RBL2: variants seen among roughly 807,000 people sequenced by gnomAD.
RBL2 encodes the protein RB transcriptional corepressor like 2, also known as retinoblastoma-like protein 2.
Under a neutral mutation model 126.0 loss-of-function variants are expected in RBL2, and 56 were observed. The observed-to-expected ratio is 0.44, with a 90% confidence interval of 0.36 to 0.56. RBL2 has a LOEUF of 0.56. Ranked by LOEUF, RBL2 falls within the 20% of genes least tolerant of loss-of-function variation. The pLI is 0.00. For missense variants in RBL2, 1,229 were observed against 1,398.2 expected, an observed-to-expected ratio of 0.88 and a Z score of 1.93; for synonymous variants, 454 against 478.5, an observed-to-expected ratio of 0.95 and a Z score of 0.67.
chr16:53,472,714 A>G (rs908857557), intron 17 of RBL2, among the ~76,000 whole-genome samples: 1 of 152,184 alleles, frequency 6.6e-6, no homozygotes, highest in Non-Finnish European at 1.5e-5. Context: ...TGTCATTTGA[A>G]GCATAAAAGT....
rs555083761 is a variant in RBL2, at chr16:53,440,611, G to A, written c.371+1465G>A. On this transcript the variant is annotated intron_variant, in intron 2 of 21. Coordinates refer to ENST00000262133, the MANE Select transcript of RBL2 (RefSeq NM_005611.4). ...CTGTTTCACCCAGGCCAGGGTGCAG[G>A]GGCGTGATCTCAGCTCATTGCAGCC... Among the ~76,000 whole-genome samples, 5 of 152,128 alleles carry A rather than the reference G, an allele frequency of 3.3e-5. No individual in the cohort carries two copies. In the South Asian group the frequency reaches 1.0e-3, roughly 32 times the overall value.
chr16:53,464,523 C>T, intron 12 of RBL2, 160 bp downstream of exon 12: 1 of 595,380 alleles, frequency 1.7e-6, no homozygotes, highest in Non-Finnish European at 2.6e-6. Flanking sequence ...AATCTTAAGA[C>T]CTATGTAAAT....
At chr16:53,472,449 C>A (rs1274183664) in intron 17 of RBL2, among the ~76,000 whole-genome samples, 13 of 152,116 alleles carry the variant, frequency 8.5e-5, no homozygotes. Context: ...GCCATCTTAG[C>A]GGGTATTGGG....
At chr16:53,453,254 T>C (rs979904616) in intron 5 of RBL2, among the ~76,000 whole-genome samples, 198 bp from the exon 6 acceptor site, 3 of 152,230 alleles carry the variant, frequency 2.0e-5, no homozygotes, top group African/African-American at 7.2e-5. Flanking sequence ...CTGAAATCTT[T>C]CGAGTAATGA....
At chr16:53,462,965 C>T (rs1226068406) in intron 11 of RBL2, among the ~76,000 whole-genome samples, 2 of 152,018 alleles carry the variant, frequency 1.3e-5, no homozygotes, top group Non-Finnish European at 2.9e-5. Context: ...CTCAGTCTCC[C>T]AAATAGCTGG....
rs1961407279 is a variant in RBL2, at chr16:53,490,958, G to A, written c.*658G>A. The A allele has an allele frequency of 6.6e-6, 1 of 152,602 alleles. No individual in the cohort carries two copies. The highest frequency in any genetic ancestry group is 1.5e-5 in the Non-Finnish European group (1 of 68,018). The allele number at this position is 152,602 out of a possible 1,614,324, so 9.5% of individuals were successfully genotyped here. A position where few individuals can be genotyped will look rare whatever the true frequency, so the allele number is the denominator to read the frequency against. Reference sequence around the variant, plus strand: ...GGCACTTTAGGGCTGTAAAATGCATGATTTTGTAACCCAGATTTTGCTGTA... The same window carrying A: ...GGCACTTTAGGGCTGTAAAATGCATAATTTTGTAACCCAGATTTTGCTGTA... On this transcript the variant is annotated 3_prime_UTR_variant, in exon 22 of 22. Coordinates refer to ENST00000262133, the MANE Select transcript of RBL2 (RefSeq NM_005611.4).
chr16:53,475,684 GCTTA>G (rs1960700322), intron 17 of RBL2, among the ~76,000 whole-genome samples: 2 of 151,570 alleles, frequency 1.3e-5, no homozygotes, highest in South Asian at 2.1e-4. Flanking sequence ...CTTACTTGAG[GCTTA>G]CTTTTTGCCC....
chr16:53,470,272 G>C lies in RBL2; in HGVS notation c.2245+87G>C, dbSNP rs189552596. On this transcript the variant is annotated intron_variant, in intron 15 of 21. Coordinates refer to ENST00000262133, the MANE Select transcript of RBL2 (RefSeq NM_005611.4). ...GAGGTTTGGCTAGAGTGACATAGGG[G>C]ACAGAGGAGTGATGGGGAGAGAGGG... 1.6e-3 allele frequency: 2,443 copies of C among 1,561,490 alleles called. 6 individuals carry two copies. Among genetic ancestry groups the C allele is most frequent in the Non-Finnish European group, 1.9e-3 (2,216 of 1,150,282 alleles).
Position 53,461,826 on chromosome 16 carries a change from G to A in RBL2, c.1432G>A (p.Glu478Lys), listed in dbSNP as rs556478318. Residue 478 changes from glutamate (E) to lysine (K), a missense_variant, in exon 10 of 22, where the codon GAG becomes AAG. Transcript: ENST00000262133. ...EIYSQHFQPD[E>K]DFSNCAKEIA... is the part of the protein sequence containing the mutation. Reference sequence around the variant, plus strand: ...ATATTCTCAGCATTTCCAGCCAGACGAGGATTTCAGTAATTGTGCTAAAGG... The same window carrying A: ...ATATTCTCAGCATTTCCAGCCAGACAAGGATTTCAGTAATTGTGCTAAAGG... The A allele has an allele frequency of 1.9e-5, 30 of 1,612,158 alleles. No homozygotes were observed. Among genetic ancestry groups the A allele is most frequent in the East Asian group, 1.1e-4 (5 of 44,708 alleles).
At chr16:53,447,719 A>G (rs1199924634) in intron 4 of RBL2, among the ~76,000 whole-genome samples, 2 of 151,754 alleles carry the variant, frequency 1.3e-5, no homozygotes, top group Non-Finnish European at 2.9e-5. Context: ...ATCTCGGCTC[A>G]CTGCAGCCTA....
At chr16:53,478,988 A>G (rs1333418041) in intron 17 of RBL2, 166 bp from the exon 18 acceptor site, 1 of 600,174 alleles carries the variant, frequency 1.7e-6, no homozygotes, top group Non-Finnish European at 3.0e-6. Flanking sequence ...ATATTCTTGA[A>G]TCGATGTATC....
chr16:53,490,822 G>C lies in RBL2; in HGVS notation c.*522G>C, dbSNP rs867448035. 1.3e-5 allele frequency: 2 copies of C among 152,610 alleles called. No individual in the cohort carries two copies. The highest frequency in any genetic ancestry group is 4.8e-5 in the African/African-American group (2 of 41,420). The allele number at this position is 152,610 out of a possible 1,614,324, so 9.5% of individuals were successfully genotyped here. ...TGGAGGTCCTAGGTCATTAGCCCTCGTCTCCCGTTCCCTTTGTGCACATCT... is the reference window on the plus strand; with the variant it reads ...TGGAGGTCCTAGGTCATTAGCCCTCCTCTCCCGTTCCCTTTGTGCACATCT... On this transcript the variant is annotated 3_prime_UTR_variant, in exon 22 of 22. Transcript: ENST00000262133.
In RBL2 at chr16:53,480,155, A is replaced by G. The variant is rs947026244; in HGVS notation, c.2881+164A>G. ...TCTAGCTGGCAAAACTGTCCATTAC[A>G]TAGCTTTGGGGCACATATTATGTAA... On this transcript the variant is annotated intron_variant, in intron 19 of 21. Coordinates refer to ENST00000262133, the MANE Select transcript of RBL2 (RefSeq NM_005611.4). 1.4e-5 allele frequency: 8 copies of G among 585,558 alleles called. No homozygotes were observed. The Admixed American group carries it at 1.4e-4, about 10-fold the overall frequency. The allele number at this position is 585,558 out of a possible 1,614,324, so 36.3% of individuals were successfully genotyped here.
chr16:53,484,202 C>T (rs1361753990), intron 21 of RBL2, among the ~76,000 whole-genome samples: 1 of 152,138 alleles, frequency 6.6e-6, no homozygotes, highest in African/African-American at 2.4e-5. Flanking sequence ...ATTAGACTCT[C>T]ATCCTGTAAC....
chr16:53,445,326 C>T (rs1233829679), intron 3 of RBL2, among the ~76,000 whole-genome samples: 1 of 114,532 alleles, frequency 8.7e-6, no homozygotes, highest in African/African-American at 3.1e-5. Flanking sequence ...GACCTTGTCT[C>T]AAAAAAAAAA....
At chr16:53,463,863 G>A (rs868076292) in intron 11 of RBL2, among the ~76,000 whole-genome samples, 2 of 151,982 alleles carry the variant, frequency 1.3e-5, no homozygotes, top group African/African-American at 2.4e-5. Context: ...CACTGCGCCC[G>A]GTCCCCCTTT....
intron 2 of RBL2, among the ~76,000 whole-genome samples, chr16:53,442,280 T>C (rs1270343300): frequency 5.3e-5 from 8 of 152,128 alleles, no homozygotes; most frequent in Non-Finnish European, 1.2e-4. Flanking sequence ...AACTCCAACA[T>C]GGGTGATAGA....
chr16:53,447,000 T>G, intron 3 of RBL2, 42 bp from the exon 4 acceptor site: 1 of 1,235,536 alleles, frequency 8.1e-7, no homozygotes, highest in Non-Finnish European at 1.1e-6. Flanking sequence ...TTTTTTCTGA[T>G]TCTTCTGTTG....
At chr16:53,435,151 A>G (rs547824135) in intron 1 of RBL2, among the ~76,000 whole-genome samples, 13 of 152,082 alleles carry the variant, frequency 8.5e-5, no homozygotes, top group African/African-American at 1.9e-4. Context: ...CACACGGACA[A>G]GGGGAGGGGA....
Sources: gnomAD v4.1 joint callset for allele counts (sites outside exome capture counted in the v4.1 genomes callset) on GRCh38, gnomAD v4.1.1 for gene constraint, MANE v1.5 for transcripts, NCBI Gene and HGNC (gene_info 2026-07-23, HGNC 2026-07-21) for gene names.